Variants in RTTN observed in about 807,000 individuals in gnomAD.
RTTN encodes the protein rotatin.
A neutral mutation model predicts 269.2 loss-of-function variants in RTTN; 182 were observed. That is an observed-to-expected ratio of 0.68 (90% CI 0.60 to 0.76). The LOEUF (loss-of-function observed/expected upper bound fraction) is 0.76. Ranked by LOEUF, RTTN falls within the 30% of genes least tolerant of loss-of-function variation. The pLI is 0.00. For synonymous variants in RTTN, 1,006 were observed against 963.5 expected (o/e 1.04, Z -0.82); for missense variants, 2,545 against 2,608.6 (o/e 0.98, Z 0.53).
intron 23 of RTTN, chr18:70,130,347 A>AT (rs1405090521): frequency 6.6e-6 from 1 of 152,120 alleles, no homozygotes; most frequent in African/African-American, 2.4e-5. Context: ...TTGTAGCACT[A>AT]TTCACAATAA....
At chr18:70,014,662 C>T (rs188398006) in intron 46 of RTTN, among the ~76,000 whole-genome samples, 1 of 152,218 alleles carries the variant, frequency 6.6e-6, no homozygotes, top group African/African-American at 2.4e-5. Flanking sequence ...AGTACCCATT[C>T]TCACATTTTT....
chr18:70,024,574 T>C lies in RTTN; in HGVS notation c.5950+148A>G. 3 of 677,262 alleles carry C rather than the reference T, an allele frequency of 4.4e-6. No homozygotes were observed. In the South Asian group the frequency reaches 6.1e-5, roughly 14 times the overall value. The allele number at this position is 677,262 out of a possible 1,614,324, so 42.0% of individuals were successfully genotyped here. On this transcript the variant is annotated intron_variant, in intron 44 of 48. Transcript: ENST00000640769. ...AATATCTGTCTGCTCTCATAATACC[T>C]ACGAGAAAGCTTGCCTTTGCCCATC... is the stretch of plus-strand genomic sequence containing the variant.
intron 34 of RTTN, among the ~76,000 whole-genome samples, chr18:70,070,787 C>T (rs563194185): frequency 6.6e-6 from 1 of 152,294 alleles, no homozygotes; most frequent in South Asian, 2.1e-4. Flanking sequence ...TTCAGTACAA[C>T]ACAACTTCAT....
Position 70,205,244 on chromosome 18 carries a change from A to C in RTTN, c.103T>G (p.Cys35Gly), listed in dbSNP as rs775977647. Reference protein sequence around the residue: ...ILCKIEHNLICYADLIQERQL... With the variant: ...ILCKIEHNLIGYADLIQERQL... ...CTCTCCTGAATGAGATCAGCGTAGCAGATTAAGTTGTGCTCAATCTTGCAG... is the reference window on the plus strand; with the variant it reads ...CTCTCCTGAATGAGATCAGCGTAGCCGATTAAGTTGTGCTCAATCTTGCAG... Residue 35 changes from cysteine (C) to glycine (G), a missense_variant, in exon 2 of 49, where the codon TGC becomes GGC. Transcript: ENST00000640769. The C allele has an allele frequency of 3.7e-6, 6 of 1,614,242 alleles. No homozygotes were observed. The highest frequency in any genetic ancestry group is 5.1e-6 in the Non-Finnish European group (6 of 1,180,040).
chr18:70,195,230 G>A (rs1449147324), intron 7 of RTTN, among the ~76,000 whole-genome samples: 2 of 152,150 alleles, frequency 1.3e-5, no homozygotes, highest in East Asian at 3.9e-4. Context: ...TTGAGGCCTG[G>A]CCTTCCCTGG....
At chr18:70,074,128 A>C in intron 33 of RTTN, 134 bp from the exon 34 acceptor site, 1 of 491,760 alleles carries the variant, frequency 2.0e-6, no homozygotes, top group South Asian at 2.9e-5. Flanking sequence ...GGCTTCTGAG[A>C]TAGACCACTA....
chr18:70,063,214 A>G (rs1004675003), intron 35 of RTTN, among the ~76,000 whole-genome samples: 2 of 152,206 alleles, frequency 1.3e-5, no homozygotes, highest in African/African-American at 4.8e-5. Context: ...ATTTTCTCTA[A>G]CAATGTATGA....
chr18:70,176,683 C>T lies in RTTN; in HGVS notation c.1468G>A (p.Val490Ile), dbSNP rs760436326. ...AVRLLQTLLP[V>I]EKASEFLSEP... ...AGCATTGCCTGCCTTACCTTTTCAA[C>T]AGGGAGAAGCGTTTGTAGCAGTCGA... is the stretch of plus-strand genomic sequence containing the variant. The change falls in exon 11 of 49, where the codon GTT becomes ATT. Residue 490 changes from valine (V) to isoleucine (I), a missense_variant. By Grantham distance (29) the Val-to-Ile change is conservative. Transcript: ENST00000640769. The T allele has an allele frequency of 6.2e-6, 10 of 1,612,276 alleles. No homozygotes were observed. Among genetic ancestry groups the T allele is most frequent in the Non-Finnish European group, 5.9e-6 (7 of 1,179,220 alleles).
chr18:70,078,179 T>C (rs1026918162), intron 32 of RTTN, among the ~76,000 whole-genome samples: 2 of 151,078 alleles, frequency 1.3e-5, no homozygotes, highest in African/African-American at 4.9e-5. Context: ...ACATCAGCCA[T>C]AAAGAAGTAA....
intron 46 of RTTN, among the ~76,000 whole-genome samples, chr18:70,014,418 T>C (rs2145484946): frequency 6.6e-6 from 1 of 152,360 alleles, no homozygotes; most frequent in South Asian, 2.1e-4. Flanking sequence ...TGCTGTTTCT[T>C]ACTACATGTT....
At chr18:70,107,589 G>A (rs2059354088) in intron 28 of RTTN, among the ~76,000 whole-genome samples, 1 of 152,118 alleles carries the variant, frequency 6.6e-6, no homozygotes, top group Non-Finnish European at 1.5e-5. Context: ...ACACATTTGA[G>A]AAAGACTTTT....
In RTTN at chr18:70,086,617, C is replaced by G; in HGVS notation, c.4370G>C (p.Trp1457Ser). 6.5e-7 allele frequency: 1 copy of G among 1,546,554 alleles called. No homozygotes were observed. ...TAATTGTTTAAAATCACCCACCTGC[C>G]AAGTATAATCCTTTATAATTTCTGT... ...MPTEIIKDYTWQGPCVHDEDS... is the reference protein window; with the variant it reads ...MPTEIIKDYTSQGPCVHDEDS... Residue 1457 changes from tryptophan (W) to serine (S), a missense_variant, in exon 32 of 49, where the codon TGG (tryptophan) becomes TCG (serine). Coordinates refer to ENST00000640769, the MANE Select transcript of RTTN (RefSeq NM_173630.4).
rs1355813218 is a variant in RTTN at position 70,205,142 on chromosome 18, T to G, written c.205A>C (p.Ser69Arg). The G allele has an allele frequency of 6.2e-7, 1 of 1,614,094 alleles. No individual in the cohort carries two copies. Among genetic ancestry groups the G allele is most frequent in the African/African-American group, 1.3e-5 (1 of 74,938 alleles). The change falls in exon 2 of 49, where the codon AGC becomes CGC. Residue 69 changes from serine (S) to arginine (R), a missense_variant. Ser to Arg is a moderately radical substitution (Grantham distance 110). Transcript: ENST00000640769. ...PMKEEVLNLL[S>R]RLVKYPPAVQ... Reference sequence around the variant, plus strand: ...AATGACCCTACCTTAACCAATCTGCTTAACAGGTTCAGAACCTCTTCCTTC... The same window carrying G: ...AATGACCCTACCTTAACCAATCTGCGTAACAGGTTCAGAACCTCTTCCTTC...
chr18:70,031,277 G>T (rs542335264), intron 40 of RTTN: 1 of 493,280 alleles, frequency 2.0e-6, no homozygotes, highest in Non-Finnish European at 3.5e-6. Flanking sequence ...ATTCACCAGC[G>T]CATATTGTAT....
intron 19 of RTTN, 116 bp downstream of exon 19, chr18:70,142,171 AG>A: frequency 1.6e-6 from 1 of 637,366 alleles, no homozygotes; most frequent in East Asian, 2.7e-5. Flanking sequence ...GTCAAAAAAA[AG>A]GCCACAGGCT....
At position 70,205,666 on chromosome 18, in the gene RTTN, C is replaced by T. The variant is rs746267460; in HGVS notation, c.-8G>A. 1.9e-6 allele frequency: 3 copies of T among 1,613,948 alleles called. No homozygotes were observed. Among genetic ancestry groups the T allele is most frequent in the African/African-American group, 1.3e-5 (1 of 74,886 alleles). The stretch of plus-strand genomic sequence containing the variant: ...GAGCCCTGCCAGGACCATCTCGTCC[C>T]GTCAATCTGCAGCCGCCGGAGAATT... On this transcript the variant is annotated 5_prime_UTR_variant, in exon 1 of 49. Transcript: ENST00000640769.
chr18:70,066,518 A>G (rs2058139979), intron 34 of RTTN, among the ~76,000 whole-genome samples: 1 of 152,156 alleles, frequency 6.6e-6, no homozygotes, highest in South Asian at 2.1e-4. Flanking sequence ...ACCTTCTAAG[A>G]CTGAAAAAGC....
At chr18:70,116,785 C>T (rs994831610) in intron 26 of RTTN, among the ~76,000 whole-genome samples, 1 of 151,976 alleles carries the variant, frequency 6.6e-6, no homozygotes, top group Non-Finnish European at 1.5e-5. Flanking sequence ...GCAAGACCCT[C>T]AATAATGTCT....
At chr18:70,068,227 C>T (rs542217139) in intron 34 of RTTN, among the ~76,000 whole-genome samples, 6 of 152,148 alleles carry the variant, frequency 3.9e-5, no homozygotes, top group Non-Finnish European at 8.8e-5. Context: ...AAACATGTTA[C>T]TTTTCACCTT....
Sources: gnomAD v4.1 joint callset for allele counts (sites outside exome capture counted in the v4.1 genomes callset) on GRCh38, gnomAD v4.1.1 for gene constraint, MANE v1.5 for transcripts, NCBI Gene and HGNC (gene_info 2026-07-23, HGNC 2026-07-21) for gene names.